Variants in ABI2 observed in about 807,000 individuals in gnomAD.
ABI2 encodes abl interactor 2, also known as abelson interactor 2.
In ABI2, 25 loss-of-function variants were observed where a neutral mutation model predicts 59.2. That is an observed-to-expected ratio of 0.42 (90% CI 0.31 to 0.59). The LOEUF (loss-of-function observed/expected upper bound fraction) is 0.59. ABI2 is among the 20% of genes least tolerant of loss of function. The pLI is 0.14. For synonymous variants in ABI2, 213 were observed against 235.5 expected (o/e 0.90, Z 0.87); for missense variants, 545 against 681.8 (o/e 0.80, Z 2.23).
At chr2:203,346,292 G>GT (rs1390536060) in intron 1 of ABI2, among the ~76,000 whole-genome samples, 2 of 152,136 alleles carry the variant, frequency 1.3e-5, no homozygotes, top group African/African-American at 4.8e-5. Flanking sequence ...TGCTACTTTG[G>GT]TATTTGGTAT....
Position 203,395,787 on chromosome 2 carries a change from C to T in ABI2, c.850+7C>T. The T allele has an allele frequency of 1.3e-6, 2 of 1,584,150 alleles. No individual in the cohort carries two copies. The highest frequency in any genetic ancestry group is 2.3e-5 in the East Asian group (1 of 43,124). On this transcript the variant is annotated splice_region_variant and intron_variant, in intron 7 of 11. Coordinates refer to ENST00000261018, the MANE Select transcript of ABI2 (RefSeq NM_001375670.1). ...CCTCCCAGTGTCTTTCCAGGTAAAA[C>T]ATTCATGGTGCCTCGTCTTCACTTT...
At chr2:203,349,519 C>T (rs901099039) in intron 1 of ABI2, among the ~76,000 whole-genome samples, 3 of 152,120 alleles carry the variant, frequency 2.0e-5, no homozygotes, top group African/African-American at 7.2e-5. Flanking sequence ...ATTCTCCTTC[C>T]TCAGCCTCCC....
At chr2:203,372,800 G>C (rs1272977335) in intron 2 of ABI2, among the ~76,000 whole-genome samples, 1 of 151,814 alleles carries the variant, frequency 6.6e-6, no homozygotes, top group Admixed American at 6.6e-5. Context: ...AGATGGGGCG[G>C]CCGGGCAGAG....
At chr2:203,334,364 G>A (rs2075456760) in intron 1 of ABI2, among the ~76,000 whole-genome samples, 1 of 152,132 alleles carries the variant, frequency 6.6e-6, no homozygotes. Context: ...TTACTTATGT[G>A]TAAAATATGT....
chr2:203,385,902 T>G (rs2096486453), intron 4 of ABI2, among the ~76,000 whole-genome samples: 1 of 152,224 alleles, frequency 6.6e-6, no homozygotes, highest in South Asian at 2.1e-4. Flanking sequence ...AATCTTATGT[T>G]CCCTTATTCT....
intron 1 of ABI2, among the ~76,000 whole-genome samples, chr2:203,364,373 C>T (rs759154776): frequency 7.7e-4 from 117 of 152,114 alleles, no homozygotes; most frequent in Non-Finnish European, 1.1e-3. Flanking sequence ...GGATTACAGG[C>T]GTGAGCCACT....
At chr2:203,399,537 C>T (rs1438616028) in intron 8 of ABI2, among the ~76,000 whole-genome samples, 1 of 151,920 alleles carries the variant, frequency 6.6e-6, no homozygotes, top group Non-Finnish European at 1.5e-5. Flanking sequence ...GGCGGGCGGA[C>T]AGAGTTTCAC....
Position 203,367,733 on chromosome 2 carries a change from G to A in ABI2, c.285+689G>A, listed in dbSNP as rs561326177. On this transcript the variant is annotated intron_variant, in intron 2 of 11. Transcript: ENST00000261018. ...TTTTTTTTAAATGTAACTGTGGGCT[G>A]GGCACACATCTGTAATCCCAGCACT... Among the ~76,000 whole-genome samples, 3 of 151,946 alleles carry A rather than the reference G, an allele frequency of 2.0e-5. No homozygotes were observed. In the South Asian group the frequency reaches 6.2e-4, roughly 32 times the overall value.
chr2:203,402,760 C>G, intron 9 of ABI2, 26 bp downstream of exon 9: 1 of 1,518,422 alleles, frequency 6.6e-7, no homozygotes, highest in Middle Eastern at 1.8e-4. Flanking sequence ...TTTTTGCATT[C>G]TATAGAATGT....
At chr2:203,353,907 A>G (rs2090427971) in intron 1 of ABI2, among the ~76,000 whole-genome samples, 1 of 152,194 alleles carries the variant, frequency 6.6e-6, no homozygotes. Context: ...ACTATGAGAT[A>G]TGGTAACTTA....
chr2:203,361,827 C>T (rs565716280), intron 1 of ABI2, among the ~76,000 whole-genome samples: 2 of 152,220 alleles, frequency 1.3e-5, no homozygotes, highest in East Asian at 1.9e-4. Context: ...ATTTATTGAG[C>T]GAGGTACCCT....
chr2:203,328,571 C>T lies in ABI2; in HGVS notation c.57C>T (p.Leu19=), dbSNP rs1157014036. ...AAATCCCGGGGGGCCGCCGGGCCCT[C>T]TTCGACAGCTACACAAATCTGGAAC... ...EEEIPGGRRA[L]FDSYTNLERV... The change falls in exon 1 of 12, where the codon CTC becomes CTT. Residue 19 remains leucine (L), a synonymous_variant. Coordinates refer to ENST00000261018, the MANE Select transcript of ABI2 (RefSeq NM_001375670.1). 2.5e-6 allele frequency: 4 copies of T among 1,605,694 alleles called. No homozygotes were observed. The highest frequency in any genetic ancestry group is 1.7e-5 in the Admixed American group (1 of 59,508).
intron 8 of ABI2, among the ~76,000 whole-genome samples, chr2:203,397,589 C>A (rs1322207473): frequency 2.0e-5 from 3 of 152,166 alleles, no homozygotes. Context: ...AGGTTCTTGT[C>A]TGCTATAAAA....
rs1165134578 is a variant in ABI2 at position 203,395,653 on chromosome 2, T to C, written c.726-3T>C. ...CATGTTTTGGTGGCTCTTATTTCTT[T>C]AGCAGCAGTGGGAGTAGTGGAGGGA... On this transcript the variant is annotated splice_region_variant and splice_polypyrimidine_tract_variant and intron_variant, in intron 6 of 11. Transcript: ENST00000261018. 14 of 1,606,506 alleles carry C rather than the reference T, an allele frequency of 8.7e-6. No individual in the cohort carries two copies. In the Middle Eastern group the frequency reaches 5.0e-4, roughly 57 times the overall value.
chr2:203,344,832 T>C (rs773991929), intron 1 of ABI2, among the ~76,000 whole-genome samples: 45 of 152,278 alleles, frequency 3.0e-4, no homozygotes, highest in South Asian at 1.2e-3. Context: ...ATCTGCACTT[T>C]GTAAAAACGC....
At chr2:203,413,420 A>G (rs775100961) in intron 10 of ABI2, among the ~76,000 whole-genome samples, 9 of 152,356 alleles carry the variant, frequency 5.9e-5, no homozygotes, top group African/African-American at 1.7e-4. Context: ...GTGCATGACT[A>G]TCACTTTAAG....
intron 9 of ABI2, 114 bp downstream of exon 9, chr2:203,402,848 A>G: frequency 1.4e-6 from 1 of 727,126 alleles, no homozygotes; most frequent in African/African-American, 1.8e-5. Flanking sequence ...CCATTTGTTG[A>G]ATGAATGGGA....
chr2:203,351,799 G>A (rs1269761151), intron 1 of ABI2: 4 of 258,282 alleles, frequency 1.5e-5, no homozygotes, highest in African/African-American at 2.3e-5. Flanking sequence ...GCCTCCCCAA[G>A]TGCTGGTATT....
intron 10 of ABI2, among the ~76,000 whole-genome samples, chr2:203,414,110 T>C (rs2153528488): frequency 6.6e-6 from 1 of 150,800 alleles, no homozygotes; most frequent in African/African-American, 2.4e-5. Context: ...TCTTTTTTTT[T>C]TTTTTTTTTT....
Sources: gnomAD v4.1 joint callset for allele counts (sites outside exome capture counted in the v4.1 genomes callset) on GRCh38, gnomAD v4.1.1 for gene constraint, MANE v1.5 for transcripts, NCBI Gene and HGNC (gene_info 2026-07-23, HGNC 2026-07-21) for gene names.